Variants in CLYBL observed in about 807,000 individuals in gnomAD.
The protein encoded by CLYBL is citramalyl-CoA lyase, mitochondrial.
Under a neutral mutation model 38.9 loss-of-function variants are expected in CLYBL, and 31 were observed. The ratio of observed to expected loss-of-function variants is 0.80; its 90% confidence interval spans 0.60 to 1.08. CLYBL has a LOEUF of 1.08. CLYBL is among the 50% of genes least tolerant of loss of function. The pLI is 0.00. For missense variants in CLYBL, 434 were observed against 411.6 expected (o/e 1.05, Z -0.47); for synonymous variants, 171 against 158.6 (o/e 1.08, Z -0.59).
intron 2 of CLYBL, among the ~76,000 whole-genome samples, chr13:99,808,705 T>G (rs1268150860): frequency 6.6e-6 from 1 of 152,220 alleles, no homozygotes; most frequent in Non-Finnish European, 1.5e-5. Flanking sequence ...TGTTTATAAA[T>G]AGAATGATAA....
In CLYBL at chr13:99,869,451, C is replaced by T. The variant is rs189091305; in HGVS notation, c.803-1487C>T. Among the ~76,000 whole-genome samples the T allele has an allele frequency of 3.5e-3, 539 of 152,190 alleles. 6 individuals carry two copies. The highest frequency in any genetic ancestry group is 4.9e-3 in the Non-Finnish European group (332 of 67,974). ...TTAAATATAATCTCGATACCTACTA[C>T]CGAAAAAAGCCCTCTTGTCATCCCT... On this transcript the variant is annotated intron_variant, in intron 6 of 8. Transcript: ENST00000339105. This position sits in a 1 kb window ranked among gnomAD's most constrained non-coding sequence, Gnocchi z 4.3.
Position 99,819,723 on chromosome 13 carries a change from G to T in CLYBL, c.250-39138G>T, listed in dbSNP as rs1322436750. On this transcript the variant is annotated intron_variant, in intron 2 of 8. Coordinates refer to ENST00000339105, the MANE Select transcript of CLYBL (RefSeq NM_206808.5). ...GCCAGGAGCTCTGAAGTCAGGAAAA[G>T]ATAGATGCCCCAACTCAGGAAGAGC... 2.0e-5 allele frequency among the ~76,000 whole-genome samples: 3 copies of T among 151,948 alleles called. No homozygotes were observed. The East Asian group carries it at 5.8e-4, about 30-fold the overall frequency.
intron 2 of CLYBL, among the ~76,000 whole-genome samples, chr13:99,794,025 A>T (rs1232300696): frequency 1.3e-5 from 2 of 152,266 alleles, no homozygotes; most frequent in African/African-American, 2.4e-5. Flanking sequence ...TACTTATTCC[A>T]AATATAGCTA....
intron 3 of CLYBL, among the ~76,000 whole-genome samples, chr13:99,860,859 C>T (rs891056829): frequency 2.0e-5 from 3 of 152,226 alleles, no homozygotes; most frequent in Non-Finnish European, 2.9e-5. Flanking sequence ...ATCTCTTGCT[C>T]GCCTTTTGTC....
At chr13:99,713,027 C>T (rs186740682) in intron 1 of CLYBL, among the ~76,000 whole-genome samples, 2 of 152,266 alleles carry the variant, frequency 1.3e-5, no homozygotes, top group East Asian at 3.9e-4. Flanking sequence ...GTTCTTCAGA[C>T]TTCATGGAAA....
chr13:99,736,133 C>T (rs1451270838), intron 1 of CLYBL, among the ~76,000 whole-genome samples: 1 of 148,606 alleles, frequency 6.7e-6, no homozygotes, highest in African/African-American at 2.5e-5. Flanking sequence ...CAACCTCTGC[C>T]TCCCGAGTTC....
intron 1 of CLYBL, among the ~76,000 whole-genome samples, chr13:99,665,588 TAA>T (rs576278832): frequency 6.9e-6 from 1 of 145,268 alleles, no homozygotes; most frequent in Non-Finnish European, 1.5e-5. Context: ...TCCCAAAGGT[TAA>T]AAAAAAAAAC....
intron 2 of CLYBL, among the ~76,000 whole-genome samples, chr13:99,810,289 G>A (rs2050315115): frequency 6.6e-6 from 1 of 152,204 alleles, no homozygotes; most frequent in African/African-American, 2.4e-5. Flanking sequence ...TATGTGATGG[G>A]AAGAGAAAAT....
In CLYBL at chr13:99,739,214, A is replaced by G. The variant is rs1020353129; in HGVS notation, c.63-33610A>G. Reference sequence around the variant, plus strand: ...CTAATTTCAGTGTTCGTAATATGAAACAGTCAAGCCCTTTAAAAGGGATTG... The same window carrying G: ...CTAATTTCAGTGTTCGTAATATGAAGCAGTCAAGCCCTTTAAAAGGGATTG... On this transcript the variant is annotated intron_variant, in intron 1 of 8. Coordinates refer to ENST00000339105, the MANE Select transcript of CLYBL (RefSeq NM_206808.5). 3.3e-5 allele frequency among the ~76,000 whole-genome samples: 5 copies of G among 152,346 alleles called. No homozygotes were observed. The East Asian group carries it at 9.6e-4, about 29-fold the overall frequency.
chr13:99,884,119 G>A (rs933505033), intron 7 of CLYBL, among the ~76,000 whole-genome samples: 1 of 152,186 alleles, frequency 6.6e-6, no homozygotes, highest in Non-Finnish European at 1.5e-5. Flanking sequence ...CAGCCCAAGA[G>A]TGCTGGGATT....
intron 1 of CLYBL, among the ~76,000 whole-genome samples, chr13:99,703,438 C>T (rs761385041): frequency 1.1e-3 from 160 of 152,054 alleles, no homozygotes; most frequent in Non-Finnish European, 2.0e-3. Context: ...GGCGCGATCT[C>T]GGCTCACTGC....
intron 6 of CLYBL, among the ~76,000 whole-genome samples, chr13:99,870,446 A>G (rs1259646130): frequency 7.0e-6 from 1 of 143,360 alleles, no homozygotes; most frequent in Admixed American, 7.0e-5. Flanking sequence ...CTGCCTCTGT[A>G]AGCTTTATGA....
chr13:99,822,793 T>C lies in CLYBL; in HGVS notation c.250-36068T>C, dbSNP rs2050612771. ...GCTCATAATGAAAATTAGCCTTCTT[T>C]GTTCTTCCCCAAGTCTTTCTTTCTA... On this transcript the variant is annotated intron_variant, in intron 2 of 8. Coordinates refer to ENST00000339105, the MANE Select transcript of CLYBL (RefSeq NM_206808.5). Among the ~76,000 whole-genome samples, 3 of 152,242 alleles carry C rather than the reference T, an allele frequency of 2.0e-5. No individual in the cohort carries two copies. The South Asian group carries it at 6.2e-4, about 32-fold the overall frequency.
At chr13:99,645,527 TG>T (rs1483422616) in intron 1 of CLYBL, among the ~76,000 whole-genome samples, 2 of 150,074 alleles carry the variant, frequency 1.3e-5, no homozygotes, top group Non-Finnish European at 3.0e-5. Flanking sequence ...GTCATTTTAA[TG>T]GGGTGTGATA....
intron 1 of CLYBL, among the ~76,000 whole-genome samples, chr13:99,739,764 G>A (rs1054529163): frequency 2.0e-5 from 3 of 152,058 alleles, no homozygotes; most frequent in Non-Finnish European, 4.4e-5. Flanking sequence ...ACCTGAGGTC[G>A]GGAGTTCCAA....
intron 2 of CLYBL, among the ~76,000 whole-genome samples, chr13:99,816,474 G>A (rs1356902656): frequency 6.6e-6 from 1 of 152,238 alleles, no homozygotes; most frequent in Non-Finnish European, 1.5e-5. Flanking sequence ...TGAGGCAGTA[G>A]CCTCGTAAAA....
At chr13:99,871,290 T>C (rs2051889903) in intron 7 of CLYBL, among the ~76,000 whole-genome samples, 2 of 152,200 alleles carry the variant, frequency 1.3e-5, no homozygotes, top group South Asian at 4.1e-4. Flanking sequence ...ATTTTATTCT[T>C]TTCATAAAAT....
At chr13:99,728,500 G>A (rs995503076) in intron 1 of CLYBL, among the ~76,000 whole-genome samples, 5 of 151,402 alleles carry the variant, frequency 3.3e-5, no homozygotes, top group African/African-American at 4.9e-5. Context: ...GGATGTTCTC[G>A]ATCTCCTGAC....
intron 1 of CLYBL, among the ~76,000 whole-genome samples, chr13:99,716,209 G>A (rs9517848): frequency 4.9e-5 from 1 of 20,488 alleles, no homozygotes; most frequent in African/African-American, 1.2e-4. Flanking sequence ...TTTTTTTTTA[G>A]AGACAAGGTC....
Sources: allele counts gnomAD v4.1 joint callset (sites outside exome capture counted in the v4.1 genomes callset), GRCh38; gene constraint gnomAD v4.1.1; non-coding constraint Gnocchi (gnomAD v3.1); transcripts MANE v1.5; gene names NCBI Gene and HGNC (gene_info 2026-07-23, HGNC 2026-07-21).